CFAP20DC: variants seen among roughly 807,000 people sequenced by gnomAD.
The protein encoded by CFAP20DC is protein CFAP20DC.
A neutral mutation model predicts 101.7 loss-of-function variants in CFAP20DC; 84 were observed. That is an observed-to-expected ratio of 0.83 (90% CI 0.69 to 0.99). CFAP20DC has a LOEUF of 0.99. Among genes scored for constraint, CFAP20DC ranks in the 50% least tolerant of loss-of-function variants. The pLI, the probability that CFAP20DC is intolerant of heterozygous loss-of-function variation, is 0.00. For missense variants in CFAP20DC, 1,007 were observed against 970.3 expected, an observed-to-expected ratio of 1.04 and a Z score of -0.50; for synonymous variants, 359 against 351.2, an observed-to-expected ratio of 1.02 and a Z score of -0.25.
At chr3:59,035,689 T>C (rs920148907) in intron 4 of CFAP20DC, among the ~76,000 whole-genome samples, 3 of 152,250 alleles carry the variant, frequency 2.0e-5, no homozygotes, top group Non-Finnish European at 2.9e-5. Flanking sequence ...ATTCCTGAAA[T>C]TGAGGCAGTA....
At chr3:58,747,511 C>A (rs1289201274) in intron 16 of CFAP20DC, among the ~76,000 whole-genome samples, 1 of 152,156 alleles carries the variant, frequency 6.6e-6, no homozygotes, top group Admixed American at 6.6e-5. Context: ...TTTAAAATCT[C>A]TGAATCAAGA....
chr3:58,807,651 G>C (rs965993868), intron 14 of CFAP20DC, among the ~76,000 whole-genome samples: 2 of 152,230 alleles, frequency 1.3e-5, no homozygotes, highest in South Asian at 2.1e-4. Flanking sequence ...ACTCTAAAAA[G>C]CAGAGCGCGT....
chr3:58,926,363 C>T (rs369006002), intron 5 of CFAP20DC, among the ~76,000 whole-genome samples: 122 of 150,074 alleles, frequency 8.1e-4, no homozygotes, highest in Middle Eastern at 3.4e-3. Flanking sequence ...GCGTGAGACT[C>T]CATTAAAAAA....
At chr3:58,945,540 C>T (rs1264916325) in intron 4 of CFAP20DC, among the ~76,000 whole-genome samples, 3 of 152,100 alleles carry the variant, frequency 2.0e-5, no homozygotes, top group African/African-American at 7.2e-5. Context: ...TCCCAGGCTC[C>T]TGGGGGTAAC....
chr3:59,008,834 CA>C (rs1347207550), intron 4 of CFAP20DC, among the ~76,000 whole-genome samples: 1 of 151,796 alleles, frequency 6.6e-6, no homozygotes, highest in Non-Finnish European at 1.5e-5. Flanking sequence ...ACATTGTGCA[CA>C]TGTACCCTAA....
chr3:58,844,853 G>C, intron 13 of CFAP20DC, among the ~76,000 whole-genome samples: 1 of 141,080 alleles, frequency 7.1e-6, no homozygotes, highest in Non-Finnish European at 1.5e-5. Context: ...TCAGGATTAA[G>C]AATCTCACTC....
At chr3:58,932,437 T>G (rs1430332529) in intron 5 of CFAP20DC, among the ~76,000 whole-genome samples, 2 of 151,668 alleles carry the variant, frequency 1.3e-5, no homozygotes, top group Admixed American at 1.3e-4. Context: ...ACAAAGATAC[T>G]CCTCAAGAAG....
intron 11 of CFAP20DC, among the ~76,000 whole-genome samples, chr3:58,865,790 A>G (rs1257899815): frequency 6.6e-6 from 1 of 152,228 alleles, no homozygotes; most frequent in Non-Finnish European, 1.5e-5. Context: ...TGTATGACCT[A>G]TTGCCAAACA....
intron 7 of CFAP20DC, among the ~76,000 whole-genome samples, chr3:58,877,699 C>T (rs1307699729): frequency 1.3e-5 from 2 of 152,184 alleles, no homozygotes; most frequent in African/African-American, 4.8e-5. Context: ...GAAGCAGGTT[C>T]TTCCCATATT....
chr3:58,810,177 G>A (rs952165777), intron 14 of CFAP20DC, among the ~76,000 whole-genome samples: 2 of 152,096 alleles, frequency 1.3e-5, no homozygotes, highest in Non-Finnish European at 2.9e-5. Flanking sequence ...AATAGAAAAA[G>A]AGGGAATCCT....
At chr3:58,785,221 T>C (rs1190691098) in intron 15 of CFAP20DC, among the ~76,000 whole-genome samples, 3 of 151,638 alleles carry the variant, frequency 2.0e-5, no homozygotes, top group African/African-American at 7.3e-5. Context: ...TATGTGAGAG[T>C]TCAAAAAGTG....
At chr3:58,839,811 C>CA (rs2108156848) in intron 13 of CFAP20DC, among the ~76,000 whole-genome samples, 1 of 152,266 alleles carries the variant, frequency 6.6e-6, no homozygotes, top group East Asian at 1.9e-4. Context: ...GTAATGGGCG[C>CA]ACTGTTTGCA....
chr3:58,806,656 T>C (rs904459746), intron 14 of CFAP20DC, among the ~76,000 whole-genome samples, 200 bp from the exon 15 acceptor site: 1 of 152,152 alleles, frequency 6.6e-6, no homozygotes, highest in African/African-American at 2.4e-5. Context: ...AGACGGGTGA[T>C]TTCTGCATTT....
Position 59,015,132 on chromosome 3 carries a change from C to T in CFAP20DC, c.278+24425G>A, listed in dbSNP as rs898675439. On this transcript the variant is annotated intron_variant, in intron 4 of 16. Transcript: ENST00000482387. The surrounding 1 kb of genome is among the most constrained non-coding windows in gnomAD (Gnocchi z 5.4). ...AGGTTGAGTTCTTGCTGAACAGGTG[C>T]GGGAGGAGGCAGGCTTGGACCCTGA... 6.6e-5 allele frequency among the ~76,000 whole-genome samples: 10 copies of T among 152,102 alleles called. No individual in the cohort carries two copies. Among genetic ancestry groups the T allele is most frequent in the South Asian group, 2.1e-4 (1 of 4,810 alleles).
chr3:58,781,480 A>G (rs1553657867), intron 15 of CFAP20DC, among the ~76,000 whole-genome samples: 1 of 152,020 alleles, frequency 6.6e-6, no homozygotes, highest in Non-Finnish European at 1.5e-5. Context: ...GGATGCTAAA[A>G]AATAATAAAA....
rs1051029393 is a variant in CFAP20DC at position 58,864,898 on chromosome 3, C to T, written c.1259-1006G>A. Reference sequence around the variant, plus strand: ...ATTGTTTTCTTTAAAATACCATACACTACAGGGAAATATATATTTTTTCAA... The same window carrying T: ...ATTGTTTTCTTTAAAATACCATACATTACAGGGAAATATATATTTTTTCAA... On this transcript the variant is annotated intron_variant, in intron 11 of 16. Transcript: ENST00000482387. This position sits in a 1 kb window ranked among gnomAD's most constrained non-coding sequence, Gnocchi z 4.7. Among the ~76,000 whole-genome samples, 1 of 152,130 alleles carries T rather than the reference C, an allele frequency of 6.6e-6. No homozygotes were observed. The highest frequency in any genetic ancestry group is 1.5e-5 in the Non-Finnish European group (1 of 68,008).
chr3:58,781,511 T>C (rs2071823189), intron 15 of CFAP20DC, among the ~76,000 whole-genome samples: 1 of 151,852 alleles, frequency 6.6e-6, no homozygotes, highest in Non-Finnish European at 1.5e-5. Flanking sequence ...AAACAAAAAG[T>C]TGGCTTTTTG....
At position 58,849,526 on chromosome 3, in the gene CFAP20DC, T is replaced by A. The variant is rs548077132; in HGVS notation, c.1594-117A>T. On this transcript the variant is annotated intron_variant, in intron 12 of 16. Coordinates refer to ENST00000482387, the MANE Select transcript of CFAP20DC (RefSeq NM_001394063.1). ...TATGAATAAAGCAAAAGCATCTATA[T>A]ATAGATTTTACTTTAATCTGCAAAG... The A allele has an allele frequency of 2.3e-4, 176 of 771,070 alleles. 2 individuals are homozygous for A. In the South Asian group the frequency reaches 3.8e-3, roughly 16 times the overall value. 47.8% of individuals were successfully genotyped at this position (771,070 alleles called of 1,614,324 possible).
At chr3:58,830,930 C>A (rs746212602) in intron 14 of CFAP20DC, among the ~76,000 whole-genome samples, 1 of 152,130 alleles carries the variant, frequency 6.6e-6, no homozygotes, top group Non-Finnish European at 1.5e-5. Context: ...CTGTTGTTTA[C>A]GCTCTGTCTT....
Sources: allele counts gnomAD v4.1 joint callset (sites outside exome capture counted in the v4.1 genomes callset), GRCh38; gene constraint gnomAD v4.1.1; non-coding constraint Gnocchi (gnomAD v3.1); transcripts MANE v1.5; gene names NCBI Gene and HGNC (gene_info 2026-07-23, HGNC 2026-07-21).